The following MED15 variants were observed in gnomAD, a reference collection of about 807,000 sequenced individuals.
The protein encoded by MED15 is mediator of RNA polymerase II transcription subunit 15.
In MED15, 41 loss-of-function variants were observed where a neutral mutation model predicts 118.7. The ratio of observed to expected loss-of-function variants is 0.35; its 90% confidence interval spans 0.27 to 0.45. MED15 has a LOEUF of 0.45. Ranked by LOEUF, MED15 falls within the 20% of genes least tolerant of loss-of-function variation. MED15 has a pLI of 1.00. For synonymous variants in MED15, 436 were observed against 413.9 expected (o/e 1.05, Z -0.65); for missense variants, 740 against 1,025.5 (o/e 0.72, Z 3.80).
Position 20,551,623 on chromosome 22 carries a change from A to C in MED15, c.208+136A>C, listed in dbSNP as rs190456164. The stretch of plus-strand genomic sequence containing the variant: ...TGTGTCACCTCACTTGCTTCTGGGA[A>C]GTTCTTCACTGCCTTGCATTTGACT... On this transcript the variant is annotated intron_variant, in intron 3 of 17. Coordinates refer to ENST00000263205, the MANE Select transcript of MED15 (RefSeq NM_001003891.3). 1,323 of 815,568 alleles carry C rather than the reference A, an allele frequency of 1.6e-3. 6 individuals are homozygous for C. The highest frequency in any genetic ancestry group is 0.013 in the Middle Eastern group (54 of 4,132). The allele number at this position is 815,568 out of a possible 1,614,324, so 50.5% of individuals were successfully genotyped here. A position where few individuals can be genotyped will look rare whatever the true frequency, so the allele number is the denominator to read the frequency against.
At chr22:20,576,182 T>A (rs1601627810) in intron 9 of MED15, among the ~76,000 whole-genome samples, 1 of 152,264 alleles carries the variant, frequency 6.6e-6, no homozygotes, top group East Asian at 1.9e-4. Context: ...TGAAGTTCTC[T>A]CATCATACAG....
intron 1 of MED15, chr22:20,518,955 C>T (rs771856683): frequency 6.8e-6 from 3 of 438,302 alleles, no homozygotes; most frequent in South Asian, 3.2e-5. Flanking sequence ...TGGGCTCAAG[C>T]GATCCTCCCA....
chr22:20,582,704 C>T lies in MED15; in HGVS notation c.1366C>T (p.Pro456Ser). The stretch of plus-strand genomic sequence containing the variant: ...GATGCCCCCTCCCCCCCAGCCGTCC[C>T]CGCAGCCCGGCCAGCCCAGCTCACA... ...QSMPPPPQPSPQPGQPSSQPN... is the reference protein window; with the variant it reads ...QSMPPPPQPSSQPGQPSSQPN... The change falls in exon 10 of 18, where the codon CCG becomes TCG. Residue 456 changes from proline (P) to serine (S), a missense_variant. Coordinates refer to ENST00000263205, the MANE Select transcript of MED15 (RefSeq NM_001003891.3). The T allele has an allele frequency of 6.3e-6, 10 of 1,597,120 alleles. No homozygotes were observed. Among genetic ancestry groups the T allele is most frequent in the Non-Finnish European group, 8.5e-6 (10 of 1,178,012 alleles).
chr22:20,571,067 C>T (rs138548433), intron 8 of MED15, among the ~76,000 whole-genome samples: 2,535 of 152,278 alleles, frequency 0.017, 34 homozygotes, highest in Middle Eastern at 0.061. Flanking sequence ...GCCGAACTTT[C>T]CTTTTCTTTC....
intron 8 of MED15, among the ~76,000 whole-genome samples, chr22:20,572,679 G>A (rs1418841232): frequency 6.6e-6 from 1 of 152,242 alleles, no homozygotes; most frequent in East Asian, 1.9e-4. Context: ...AACGTTTTGG[G>A]AAGCCAAGGT....
chr22:20,549,437 G>A (rs969696808), intron 2 of MED15, among the ~76,000 whole-genome samples: 3 of 152,052 alleles, frequency 2.0e-5, no homozygotes, highest in African/African-American at 7.2e-5. Flanking sequence ...GAGCAGAAAG[G>A]GGCATAATAA....
In MED15 at chr22:20,530,768, G is replaced by A. The variant is rs115139580; in HGVS notation, c.69-6349G>A. On this transcript the variant is annotated intron_variant, in intron 1 of 17. Coordinates refer to ENST00000263205, the MANE Select transcript of MED15 (RefSeq NM_001003891.3). ...CTGTGTGAGTGTCCTTCTTGCGGGCGGTGGAGCTGGCCTCAGGGTACACTG... is the reference window on the plus strand; with the variant it reads ...CTGTGTGAGTGTCCTTCTTGCGGGCAGTGGAGCTGGCCTCAGGGTACACTG... Among the ~76,000 whole-genome samples, 210 of 152,242 alleles carry A rather than the reference G, an allele frequency of 1.4e-3. 1 individual carries two copies. The highest frequency in any genetic ancestry group is 4.7e-3 in the African/African-American group (196 of 41,540).
intron 1 of MED15, among the ~76,000 whole-genome samples, chr22:20,524,794 G>A (rs2054575608): frequency 1.3e-5 from 2 of 152,062 alleles, no homozygotes; most frequent in Non-Finnish European, 2.9e-5. Flanking sequence ...GCTAACTTTT[G>A]TAATTTTAGT....
intron 2 of MED15, 104 bp from the exon 3 acceptor site, chr22:20,551,332 G>A (rs1440460065): frequency 9.7e-7 from 1 of 1,034,906 alleles, no homozygotes; most frequent in South Asian, 1.3e-5. Flanking sequence ...TGCCTTGCAG[G>A]ATGGGCTTCA....
intron 14 of MED15, 46 bp from the exon 15 acceptor site, chr22:20,584,809 G>A (rs769819180): frequency 4.9e-5 from 79 of 1,603,996 alleles, no homozygotes; most frequent in East Asian, 1.1e-4. Context: ...CCTAAATGGG[G>A]AACCCTCGGG....
At chr22:20,552,103 G>C (rs1252812666) in intron 3 of MED15, among the ~76,000 whole-genome samples, 1 of 152,220 alleles carries the variant, frequency 6.6e-6, no homozygotes, top group Admixed American at 6.5e-5. Context: ...TTACGTGGAA[G>C]TATGTGGACA....
intron 2 of MED15, among the ~76,000 whole-genome samples, chr22:20,539,162 G>A (rs5995788): frequency 2.3e-4 from 35 of 151,874 alleles, no homozygotes; most frequent in Admixed American, 1.2e-3. Flanking sequence ...GCAATGGCAC[G>A]ATCTCGGCTC....
At chr22:20,574,945 T>C in intron 8 of MED15, 168 bp from the exon 9 acceptor site, 1 of 841,188 alleles carries the variant, frequency 1.2e-6, no homozygotes, top group South Asian at 1.6e-5. Context: ...GGAGGTGCTG[T>C]GGGCTTGAAC....
At chr22:20,566,945 C>A (rs1757944603) in intron 7 of MED15, 128 bp downstream of exon 7, 8 of 1,483,470 alleles carry the variant, frequency 5.4e-6, no homozygotes, top group Non-Finnish European at 7.2e-6. Flanking sequence ...AGCCCCCACC[C>A]CTTGCCAGCC....
chr22:20,526,770 C>T (rs1488310077), intron 1 of MED15, among the ~76,000 whole-genome samples: 2 of 152,212 alleles, frequency 1.3e-5, no homozygotes, highest in African/African-American at 2.4e-5. Context: ...TCTTGGACCT[C>T]CCTTCTGGAA....
chr22:20,538,759 G>A (rs1353316185), intron 2 of MED15, among the ~76,000 whole-genome samples: 1 of 151,990 alleles, frequency 6.6e-6, no homozygotes, highest in Non-Finnish European at 1.5e-5. Context: ...GAGTGCAGTG[G>A]CACAATCTCA....
At chr22:20,535,655 G>C (rs1462740618) in intron 1 of MED15, among the ~76,000 whole-genome samples, 1 of 150,762 alleles carries the variant, frequency 6.6e-6, no homozygotes, top group Non-Finnish European at 1.5e-5. Context: ...CGCCTCCCGG[G>C]TTCATGCCAT....
chr22:20,517,783 T>C (rs1483273386), intron 1 of MED15, among the ~76,000 whole-genome samples: 1 of 151,998 alleles, frequency 6.6e-6, no homozygotes, highest in Non-Finnish European at 1.5e-5. Context: ...TCACCTCAGG[T>C]AGAGATGGCA....
At chr22:20,576,437 A>G (rs1311618698) in intron 9 of MED15, among the ~76,000 whole-genome samples, 2 of 152,250 alleles carry the variant, frequency 1.3e-5, no homozygotes, top group Admixed American at 1.3e-4. Flanking sequence ...TGTGGCCCCA[A>G]GCCTGGTGCC....
Sources: allele counts gnomAD v4.1 joint callset (sites outside exome capture counted in the v4.1 genomes callset), GRCh38; gene constraint gnomAD v4.1.1; transcripts MANE v1.5; gene names NCBI Gene and HGNC (gene_info 2026-07-23, HGNC 2026-07-21).